The following SIK2 variants were observed in gnomAD, a reference collection of about 807,000 sequenced individuals.
SIK2 encodes serine/threonine-protein kinase SIK2.
In SIK2, 29 loss-of-function variants were observed where a neutral mutation model predicts 103.2. That is an observed-to-expected ratio of 0.28 (90% CI 0.21 to 0.38). The LOEUF (loss-of-function observed/expected upper bound fraction) is 0.38. Ranked by LOEUF, SIK2 falls within the 10% of genes least tolerant of loss-of-function variation. The pLI is 1.00. For synonymous variants in SIK2, 412 were observed against 446.1 expected, an observed-to-expected ratio of 0.92 and a Z score of 0.96; for missense variants, 879 against 1,171.0, an observed-to-expected ratio of 0.75 and a Z score of 3.64.
intron 9 of SIK2, among the ~76,000 whole-genome samples, chr11:111,716,530 T>C (rs779359304): frequency 6.6e-6 from 1 of 152,056 alleles, no homozygotes; most frequent in Non-Finnish European, 1.5e-5. Context: ...TGAGCCCAGA[T>C]TGCACCACTG....
rs767007435 is a variant in SIK2, at chr11:111,722,878, T to TCA, written c.2147+125_2147+126dup. ...TAGGAAAATAGGTTTTCTGCGTGTG[T>TCA]CACAGGCCCTCTGAGCACGATTACT... On this transcript the variant is annotated intron_variant, in intron 14 of 14. Coordinates refer to ENST00000304987, the MANE Select transcript of SIK2 (RefSeq NM_015191.3). This position sits in a 1 kb window ranked among gnomAD's most constrained non-coding sequence, Gnocchi z 4.4. The TCA allele has an allele frequency of 1.7e-5, 14 of 831,000 alleles. No homozygotes were observed. The highest frequency in any genetic ancestry group is 2.7e-5 in the Non-Finnish European group (14 of 523,860). The allele number at this position is 831,000 out of a possible 1,614,324, so 51.5% of individuals were successfully genotyped here. A position where few individuals can be genotyped will look rare whatever the true frequency, so the allele number is the denominator to read the frequency against.
At chr11:111,613,920 G>T (rs1941765105) in intron 1 of SIK2, among the ~76,000 whole-genome samples, 2 of 152,106 alleles carry the variant, frequency 1.3e-5, no homozygotes, top group African/African-American at 4.8e-5. Context: ...AGAGAAAGGT[G>T]AGAAGTAAAA....
chr11:111,619,262 A>G (rs1681716127), intron 2 of SIK2, among the ~76,000 whole-genome samples: 1 of 152,186 alleles, frequency 6.6e-6, no homozygotes, highest in Admixed American at 6.5e-5. Context: ...TCTTAAACCT[A>G]CATCTTAGAA....
chr11:111,712,286 G>A lies in SIK2; in HGVS notation c.1177G>A (p.Ala393Thr). 2 of 1,614,182 alleles carry A rather than the reference G, an allele frequency of 1.2e-6. No individual in the cohort carries two copies. The highest frequency in any genetic ancestry group is 1.7e-6 in the Non-Finnish European group (2 of 1,180,026). Residue 393 changes from alanine (A) to threonine (T), a missense_variant, in exon 9 of 15, where the codon GCA becomes ACA. By Grantham distance (58) the Ala-to-Thr change is moderately conservative (BLOSUM62 0). Coordinates refer to ENST00000304987, the MANE Select transcript of SIK2 (RefSeq NM_015191.3). ...RLLRSALLPQ[A>T]SNVEAFSFPA... The stretch of plus-strand genomic sequence containing the variant: ...GCTGCGATCTGCCCTCCTCCCCCAG[G>A]CATCCAACGTGGAGGCCTTTTCATT...
chr11:111,657,506 C>T (rs1942406537), intron 3 of SIK2, among the ~76,000 whole-genome samples: 1 of 152,128 alleles, frequency 6.6e-6, no homozygotes, highest in African/African-American at 2.4e-5. Flanking sequence ...CCTCCCACCC[C>T]AGCCTCCAGA....
chr11:111,691,540 A>G (rs927266810), intron 4 of SIK2, among the ~76,000 whole-genome samples: 1 of 152,052 alleles, frequency 6.6e-6, no homozygotes, highest in African/African-American at 2.4e-5. Context: ...CTCCCACTAC[A>G]CCATTTTGTC....
Position 111,726,926 on chromosome 11 carries a change from G to A in SIK2, c.*2797G>A, listed in dbSNP as rs755349475. The A allele has an allele frequency of 6.3e-7, 1 of 1,595,956 alleles. No homozygotes were observed. Among genetic ancestry groups the A allele is most frequent in the African/African-American group, 1.3e-5 (1 of 74,606 alleles). On this transcript the variant is annotated 3_prime_UTR_variant, in exon 15 of 15. Coordinates refer to ENST00000304987, the MANE Select transcript of SIK2 (RefSeq NM_015191.3). ...TTCGGCAAAAAGTGCAATATGTGTG[G>A]TACTTTATTTTTTATGTTCTTTTTT...
At chr11:111,666,544 C>G (rs1942544968) in intron 3 of SIK2, among the ~76,000 whole-genome samples, 1 of 152,196 alleles carries the variant, frequency 6.6e-6, no homozygotes, top group East Asian at 1.9e-4. Context: ...AAGGCTATCT[C>G]TGCTTTTTAC....
intron 8 of SIK2, among the ~76,000 whole-genome samples, chr11:111,709,052 C>T (rs185330023): frequency 2.6e-5 from 4 of 152,152 alleles, no homozygotes; most frequent in Non-Finnish European, 4.4e-5. Context: ...CTAGGGCTGC[C>T]GTAACGAAAT....
intron 4 of SIK2, among the ~76,000 whole-genome samples, chr11:111,690,917 C>T (rs1267569374): frequency 6.6e-6 from 1 of 152,168 alleles, no homozygotes; most frequent in African/African-American, 2.4e-5. Flanking sequence ...CTACAAGAAA[C>T]ATACATGCAC....
chr11:111,672,566 C>G (rs750224892), intron 3 of SIK2, among the ~76,000 whole-genome samples: 3 of 152,066 alleles, frequency 2.0e-5, no homozygotes, highest in Non-Finnish European at 2.9e-5. Flanking sequence ...AATGAATTTA[C>G]CATTAAATTA....
At chr11:111,700,416 C>T (rs12287805) in intron 4 of SIK2, among the ~76,000 whole-genome samples, 4,297 of 152,202 alleles carry the variant, frequency 0.028, 201 homozygotes, top group African/African-American at 0.096. Context: ...ACTCAGTTGC[C>T]TTCAAGGGTT....
At chr11:111,641,342 A>C (rs1256364772) in intron 3 of SIK2, among the ~76,000 whole-genome samples, 1 of 152,176 alleles carries the variant, frequency 6.6e-6, no homozygotes. Flanking sequence ...AGAAAATTAC[A>C]AACTGGGCAC....
intron 3 of SIK2, chr11:111,671,471 C>G (rs1942626615): frequency 3.9e-6 from 1 of 256,024 alleles, no homozygotes; most frequent in Non-Finnish European, 7.6e-6. Context: ...TCTGAGATCT[C>G]TGTCTTTGTG....
intron 8 of SIK2, 61 bp from the exon 9 acceptor site, chr11:111,712,150 T>G (rs1191482077): frequency 2.1e-6 from 3 of 1,458,182 alleles, no homozygotes; most frequent in Non-Finnish European, 2.8e-6. Context: ...TCTTAGAACT[T>G]TGTGTATTTA....
chr11:111,660,743 C>A (rs1380638464), intron 3 of SIK2, among the ~76,000 whole-genome samples: 1 of 151,478 alleles, frequency 6.6e-6, no homozygotes, highest in Non-Finnish European at 1.5e-5. Flanking sequence ...AGTTGCTTGG[C>A]CACAATGACT....
At chr11:111,667,311 A>G (rs1012836160) in intron 3 of SIK2, among the ~76,000 whole-genome samples, 1 of 152,116 alleles carries the variant, frequency 6.6e-6, no homozygotes, top group African/African-American at 2.4e-5. Flanking sequence ...ACTGATTTGC[A>G]GTGCCAGAAA....
rs1943203422 is a variant in SIK2 at position 111,701,139 on chromosome 11, A to G, written c.603+129A>G. ...TCATATTTTCCCCATCCACTGGACT[A>G]TAATTACTCAGAGCATCTTGAAATG... On this transcript the variant is annotated intron_variant, in intron 5 of 14. Transcript: ENST00000304987. This position sits in a 1 kb window ranked among gnomAD's most constrained non-coding sequence, Gnocchi z 4.2. The G allele has an allele frequency of 1.6e-6, 2 of 1,242,080 alleles. No homozygotes were observed. Among genetic ancestry groups the G allele is most frequent in the Non-Finnish European group, 2.2e-6 (2 of 917,058 alleles). The allele number at this position is 1,242,080 out of a possible 1,614,324, so 76.9% of individuals were successfully genotyped here.
Position 111,646,278 on chromosome 11 carries a change from C to T in SIK2, c.316+25876C>T, listed in dbSNP as rs149534369. 6.5e-3 allele frequency among the ~76,000 whole-genome samples: 989 copies of T among 152,082 alleles called. 10 individuals are homozygous for T. The highest frequency in any genetic ancestry group is 0.022 in the African/African-American group (923 of 41,468). On this transcript the variant is annotated intron_variant, in intron 3 of 14. Transcript: ENST00000304987. Reference sequence around the variant, plus strand: ...CAGCCTGACCAATATAGTGAAACCGCATCTCTACTAAAAATACAAAATTAG... The same window carrying T: ...CAGCCTGACCAATATAGTGAAACCGTATCTCTACTAAAAATACAAAATTAG...
Sources: gnomAD v4.1 joint callset for allele counts (sites outside exome capture counted in the v4.1 genomes callset) on GRCh38, gnomAD v4.1.1 for gene constraint, Gnocchi (gnomAD v3.1) non-coding constraint, MANE v1.5 for transcripts, NCBI Gene and HGNC (gene_info 2026-07-23, HGNC 2026-07-21) for gene names.